The following SCMH1 variants were observed in gnomAD, a reference collection of about 807,000 sequenced individuals.
SCMH1 encodes the protein Scm polycomb group protein homolog 1.
A neutral mutation model predicts 70.8 loss-of-function variants in SCMH1; 37 were observed. That is an observed-to-expected ratio of 0.52 (90% CI 0.40 to 0.69). SCMH1 has a LOEUF of 0.69. SCMH1 is among the 30% of genes least tolerant of loss of function. SCMH1 has a pLI of 0.00. For missense variants in SCMH1, 607 were observed against 827.3 expected, an observed-to-expected ratio of 0.73 and a Z score of 3.27; for synonymous variants, 292 against 307.4, an observed-to-expected ratio of 0.95 and a Z score of 0.52.
intron 8 of SCMH1, among the ~76,000 whole-genome samples, chr1:41,100,121 G>A (rs1666170247): frequency 6.6e-6 from 1 of 152,004 alleles, no homozygotes; most frequent in Admixed American, 6.6e-5. Flanking sequence ...TTTTTATACA[G>A]CAAATACTGT....
rs186110504 is a variant in SCMH1 at position 41,191,063 on chromosome 1, C to T, written c.-117-4813G>A. On this transcript the variant is annotated intron_variant, in intron 1 of 14. Transcript: ENST00000337495. The stretch of plus-strand genomic sequence containing the variant: ...CTAACTTTTTTATTTTTTGTAGAGG[C>T]GAGGTCTCACTATGTTATCCAGGCT... Among the ~76,000 whole-genome samples, 90 of 152,200 alleles carry T rather than the reference C, an allele frequency of 5.9e-4. 1 individual carries two copies. Among genetic ancestry groups the T allele is most frequent in the African/African-American group, 2.1e-3 (87 of 41,520 alleles).
chr1:41,186,207 C>T, exon 2 of SCMH1: 1 of 809,678 alleles, frequency 1.2e-6, no homozygotes, highest in Non-Finnish European at 2.1e-6. Flanking sequence ...ATACCTTGCT[C>T]TGACTTCTGA....
chr1:41,159,997 G>T, intron 4 of SCMH1: 1 of 382,214 alleles, frequency 2.6e-6, no homozygotes, highest in Non-Finnish European at 4.4e-6. Flanking sequence ...AAGGATCAGA[G>T]TCACAAAGTT....
At chr1:41,128,183 CTTT>C (rs1177650525) in intron 6 of SCMH1, among the ~76,000 whole-genome samples, 2 of 152,110 alleles carry the variant, frequency 1.3e-5, no homozygotes, top group African/African-American at 2.4e-5. Context: ...CATTGCTCTT[CTTT>C]TTTAGGAGTT....
chr1:41,075,144 G>A (rs957984887), intron 9 of SCMH1, 75 bp downstream of exon 9: 31 of 1,444,656 alleles, frequency 2.1e-5, no homozygotes, highest in East Asian at 4.6e-5. Flanking sequence ...GATTACAGGC[G>A]TGAGCCACGG....
intron 1 of SCMH1, among the ~76,000 whole-genome samples, chr1:41,207,703 A>G (rs1171933027): frequency 6.6e-6 from 1 of 152,244 alleles, no homozygotes; most frequent in Non-Finnish European, 1.5e-5. Flanking sequence ...AGACATCTAC[A>G]GAACTCTCCA....
chr1:41,100,572 T>C (rs1279619521), intron 8 of SCMH1, among the ~76,000 whole-genome samples: 1 of 150,728 alleles, frequency 6.6e-6, no homozygotes, highest in Non-Finnish European at 1.5e-5. Context: ...TTTTTCTTTT[T>C]TTTTTTTTTT....
chr1:41,028,887 C>T (rs1190813044), intron 13 of SCMH1, among the ~76,000 whole-genome samples, 161 bp from the exon 15 acceptor site: 1 of 152,180 alleles, frequency 6.6e-6, no homozygotes, highest in Non-Finnish European at 1.5e-5. Flanking sequence ...AGCATTTCTT[C>T]ACAAAGGGAA....
intron 6 of SCMH1, among the ~76,000 whole-genome samples, chr1:41,117,341 A>C (rs1350788455): frequency 2.0e-5 from 3 of 151,584 alleles, no homozygotes; most frequent in Non-Finnish European, 4.4e-5. Flanking sequence ...CAAGAGTGCG[A>C]GCCTTCTGTT....
chr1:41,137,443 G>GCA lies in SCMH1; in HGVS notation c.412+5433_412+5434dup, dbSNP rs144740952. ...TCTAAAGTTTGACATGCATACATAT[G>GCA]CACACACACACACACATACACCTAC... On this transcript the variant is annotated intron_variant, in intron 6 of 14. Coordinates refer to ENST00000337495, the Ensembl canonical transcript of SCMH1. 6.9e-3 allele frequency among the ~76,000 whole-genome samples: 1,045 copies of GCA among 151,224 alleles called. 12 individuals are homozygous for GCA. Among genetic ancestry groups the GCA allele is most frequent in the African/African-American group, 0.024 (989 of 41,294 alleles).
At chr1:41,174,176 T>C (rs1457404858) in intron 2 of SCMH1, among the ~76,000 whole-genome samples, 1 of 152,192 alleles carries the variant, frequency 6.6e-6, no homozygotes, top group African/African-American at 2.4e-5. Flanking sequence ...TGTACATGTA[T>C]TGAAATATCA....
Position 41,075,457 on chromosome 1 carries a change from AG to A in SCMH1, c.746-7del. 6.2e-7 allele frequency: 1 copy of A among 1,610,602 alleles called. No homozygotes were observed. The highest frequency in any genetic ancestry group is 8.5e-7 in the Non-Finnish European group (1 of 1,176,870). ...GGGATTCTTTGGAATCACAACTGCA[AG>A]AAAAAGACTCATTCTATCACCCTCC... On this transcript the variant is annotated splice_region_variant and splice_polypyrimidine_tract_variant and intron_variant, in intron 8 of 14. Coordinates refer to ENST00000337495, the Ensembl canonical transcript of SCMH1.
intron 2 of SCMH1, among the ~76,000 whole-genome samples, chr1:41,182,206 C>T (rs946540948): frequency 2.6e-5 from 4 of 151,802 alleles, no homozygotes; most frequent in Admixed American, 6.6e-5. Context: ...TTGTGGGATG[C>T]GGGGAGAGGG....
At chr1:41,098,670 C>T (rs1006936033) in intron 8 of SCMH1, 3 of 171,524 alleles carry the variant, frequency 1.7e-5, no homozygotes, top group Non-Finnish European at 3.9e-5. Flanking sequence ...AAGCTCCTGT[C>T]CCTCCCAAAG....
At chr1:41,090,652 T>C (rs1663148285) in intron 8 of SCMH1, among the ~76,000 whole-genome samples, 1 of 152,180 alleles carries the variant, frequency 6.6e-6, no homozygotes, top group Non-Finnish European at 1.5e-5. Context: ...GTATAACAAT[T>C]ACATACCTAC....
At chr1:41,165,508 T>C (rs1646353805) in intron 2 of SCMH1, among the ~76,000 whole-genome samples, 1 of 152,158 alleles carries the variant, frequency 6.6e-6, no homozygotes, top group Admixed American at 6.5e-5. Context: ...TCCGTAACAG[T>C]GTATAAAGGT....
chr1:41,028,601 C>G, exon 14 of SCMH1: 5 of 1,614,160 alleles, frequency 3.1e-6, no homozygotes, highest in Non-Finnish European at 4.2e-6. Context: ...CGAAACAGGT[C>G]AGCGTGGGGT....
intron 8 of SCMH1, among the ~76,000 whole-genome samples, chr1:41,081,190 C>A (rs1242471177): frequency 6.6e-6 from 1 of 152,090 alleles, no homozygotes; most frequent in Admixed American, 6.5e-5. Context: ...GACATCTACA[C>A]TGAAAACTAT....
At chr1:41,178,900 A>G (rs1647827176) in intron 2 of SCMH1, among the ~76,000 whole-genome samples, 1 of 152,244 alleles carries the variant, frequency 6.6e-6, no homozygotes, top group Non-Finnish European at 1.5e-5. Context: ...AGACATCTGC[A>G]GAACTCCCCA....
Sources: gnomAD v4.1 joint callset for allele counts (sites outside exome capture counted in the v4.1 genomes callset) on GRCh38, gnomAD v4.1.1 for gene constraint, MANE v1.5 for transcripts, NCBI Gene and HGNC (gene_info 2026-07-23, HGNC 2026-07-21) for gene names.